NGLY1: variants seen among roughly 807,000 people sequenced by gnomAD.
The protein encoded by NGLY1 is N-glycanase 1.
Under a neutral mutation model 84.6 loss-of-function variants are expected in NGLY1, and 68 were observed. That is an observed-to-expected ratio of 0.80 (90% CI 0.66 to 0.98). The LOEUF is 0.98. NGLY1 is among the 50% of genes least tolerant of loss of function. The pLI is 0.00. For missense variants in NGLY1, 779 were observed against 770.2 expected, an observed-to-expected ratio of 1.01 and a Z score of -0.14; for synonymous variants, 280 against 275.2, an observed-to-expected ratio of 1.02 and a Z score of -0.17.
At chr3:25,789,467 C>A (rs1196403087) in intron 1 of NGLY1, among the ~76,000 whole-genome samples, 3 of 152,144 alleles carry the variant, frequency 2.0e-5, no homozygotes, top group Non-Finnish European at 4.4e-5. Flanking sequence ...AGGGAAAGAT[C>A]ACAATCAGTA....
At chr3:25,784,743 A>G (rs1708564980), upstream of NGLY1, among the ~76,000 whole-genome samples, 1 of 152,182 alleles carries the variant, frequency 6.6e-6, no homozygotes, top group South Asian at 2.1e-4. Context: ...TCGTCTCCCA[A>G]ATATACGTAC....
intron 3 of NGLY1, among the ~76,000 whole-genome samples, chr3:25,757,471 A>G (rs9859707): frequency 0.012 from 1,755 of 152,330 alleles, 40 homozygotes; most frequent in African/African-American, 0.04. Flanking sequence ...TCAAAACTGT[A>G]TAATACTATA....
rs974316988 is a variant in NGLY1, at chr3:25,719,474, A to G, written c.1951T>C (p.Phe651Leu). 6.2e-7 allele frequency: 1 copy of G among 1,613,510 alleles called. No individual in the cohort carries two copies. The highest frequency in any genetic ancestry group is 1.3e-5 in the African/African-American group (1 of 74,902). Residue 651 changes from phenylalanine (F) to leucine (L), a missense_variant, in exon 12 of 12, where the codon TTC becomes CTC. Physicochemically the swap from Phe to Leu is conservative, Grantham distance 22. Coordinates refer to ENST00000280700, the MANE Select transcript of NGLY1 (RefSeq NM_018297.4). The part of the protein sequence containing the change: ...EENCLEIIIK[F>L]SDL ...TGTTCAGGTTCTCAAAGGTCACTGA[A>G]TTTTATAATTATCTCCAAACAATTT... is the stretch of plus-strand genomic sequence containing the variant.
intron 2 of NGLY1, among the ~76,000 whole-genome samples, chr3:25,778,002 T>G (rs568697192): frequency 3.9e-5 from 6 of 152,320 alleles, no homozygotes; most frequent in African/African-American, 1.4e-4. Flanking sequence ...GAGAACTAGT[T>G]AAGGATATAA....
chr3:25,755,523 A>G lies in NGLY1; in HGVS notation c.493-4260T>C, dbSNP rs536037093. On this transcript the variant is annotated intron_variant, in intron 3 of 11. Coordinates refer to ENST00000280700, the MANE Select transcript of NGLY1 (RefSeq NM_018297.4). ...CACACCTGTCAAACCAGTTCCTGCA[A>G]TAACTGCAGTTCAAAATGTTCCAAC... 1.4e-4 allele frequency: 196 copies of G among 1,432,480 alleles called. No individual in the cohort carries two copies. In the South Asian group the frequency reaches 2.1e-3, roughly 15 times the overall value. 88.7% of individuals were successfully genotyped at this position (1,432,480 alleles called of 1,614,324 possible).
upstream of NGLY1, among the ~76,000 whole-genome samples, chr3:25,787,313 C>G (rs1166074243): frequency 1.3e-5 from 2 of 152,158 alleles, no homozygotes; most frequent in African/African-American, 4.8e-5. Flanking sequence ...ATCCTAGTAA[C>G]GTTTCCTTCT....
In NGLY1 at chr3:25,735,339, A is replaced by C. The variant is rs973741994; in HGVS notation, c.1149+665T>G. On this transcript the variant is annotated intron_variant, in intron 7 of 11. Coordinates refer to ENST00000280700, the MANE Select transcript of NGLY1 (RefSeq NM_018297.4). Reference sequence around the variant, plus strand: ...TGGACTTATATAAGAATATATAAAGAACTCTCAAAACCAAACAGTAAGAAA... The same window carrying C: ...TGGACTTATATAAGAATATATAAAGCACTCTCAAAACCAAACAGTAAGAAA... The C allele has an allele frequency of 7.2e-5, 11 of 152,320 alleles. No homozygotes were observed. In the East Asian group the frequency reaches 2.1e-3, roughly 29 times the overall value. 9.4% of individuals were successfully genotyped at this position (152,320 alleles called of 1,614,324 possible).
chr3:25,789,985 G>C (rs1044678436), exon 1 of NGLY1: 34 of 1,266,762 alleles, frequency 2.7e-5, no homozygotes, highest in Non-Finnish European at 3.6e-5. Context: ...AAGGTGACGC[G>C]GCTTAAAGTC....
chr3:25,730,076 A>G (rs1705464530), intron 9 of NGLY1: 1 of 152,098 alleles, frequency 6.6e-6, no homozygotes, highest in Non-Finnish European at 1.5e-5. Flanking sequence ...GTATAGCATG[A>G]AACAGTCTTC....
At chr3:25,744,237 G>A (rs1242050025) in intron 4 of NGLY1, among the ~76,000 whole-genome samples, 1 of 152,122 alleles carries the variant, frequency 6.6e-6, no homozygotes. Context: ...ATACAATTTA[G>A]TAGGCCAAGA....
chr3:25,769,342 C>T (rs1463998494), intron 2 of NGLY1, among the ~76,000 whole-genome samples: 1 of 151,930 alleles, frequency 6.6e-6, no homozygotes, highest in South Asian at 2.1e-4. Flanking sequence ...GCCTGGGCAA[C>T]GAAGTGGGAC....
chr3:25,774,524 GAT>G (rs1241309480), intron 2 of NGLY1, among the ~76,000 whole-genome samples: 1 of 152,078 alleles, frequency 6.6e-6, no homozygotes, highest in Admixed American at 6.5e-5. Flanking sequence ...TTTCCAGGGG[GAT>G]TACAGCTATC....
At chr3:25,731,788 A>C (rs1286268565) in intron 9 of NGLY1, among the ~76,000 whole-genome samples, 1 of 152,140 alleles carries the variant, frequency 6.6e-6, no homozygotes, top group African/African-American at 2.4e-5. Context: ...CACTGACACA[A>C]AGTTACACAA....
intron 4 of NGLY1, among the ~76,000 whole-genome samples, chr3:25,742,432 A>T (rs1706194594): frequency 6.6e-6 from 1 of 152,230 alleles, no homozygotes; most frequent in East Asian, 1.9e-4. Context: ...CTGAATATAT[A>T]TGAGATGATA....
chr3:25,729,632 T>C (rs1216117567), intron 9 of NGLY1: 2 of 171,080 alleles, frequency 1.2e-5, no homozygotes, highest in African/African-American at 2.4e-5. Context: ...ACTTCTACAA[T>C]TGTCTCCTGA....
chr3:25,738,103 T>C (rs1015214736), intron 5 of NGLY1, among the ~76,000 whole-genome samples: 30 of 152,310 alleles, frequency 2.0e-4, no homozygotes, highest in African/African-American at 6.3e-4. Context: ...TTTTGAATAA[T>C]GTAAGATTTG....
chr3:25,739,832 A>G (rs1575622423), intron 4 of NGLY1, 33 bp from the exon 5 acceptor site: 1 of 1,501,212 alleles, frequency 6.7e-7, no homozygotes, highest in Non-Finnish European at 9.2e-7. Flanking sequence ...AGTAAGAGCT[A>G]AAACTGACAA....
intron 10 of NGLY1, among the ~76,000 whole-genome samples, chr3:25,720,500 TTAAAA>T (rs1704931371): frequency 6.6e-6 from 1 of 152,204 alleles, no homozygotes; most frequent in African/African-American, 2.4e-5. Flanking sequence ...GTTCAACTCT[TTAAAA>T]TGAGTTTTAT....
At chr3:25,763,918 C>G in intron 3 of NGLY1, 148 bp downstream of exon 3, 1 of 1,021,580 alleles carries the variant, frequency 9.8e-7, no homozygotes, top group Non-Finnish European at 1.4e-6. Context: ...TTTTAAAGAG[C>G]TGAAGAAATT....
Sources: gnomAD v4.1 joint callset for allele counts (sites outside exome capture counted in the v4.1 genomes callset) on GRCh38, gnomAD v4.1.1 for gene constraint, MANE v1.5 for transcripts, NCBI Gene and HGNC (gene_info 2026-07-23, HGNC 2026-07-21) for gene names.